TP53BP1: variants seen among roughly 807,000 people sequenced by gnomAD.
The protein encoded by TP53BP1 is tumor protein p53 binding protein 1.
Under a neutral mutation model 200.8 loss-of-function variants are expected in TP53BP1, and 61 were observed. That is an observed-to-expected ratio of 0.30 (90% CI 0.25 to 0.38). The LOEUF (loss-of-function observed/expected upper bound fraction) is 0.38. TP53BP1 is among the 10% of genes least tolerant of loss of function. The pLI, the probability that TP53BP1 is intolerant of heterozygous loss-of-function variation, is 1.00. For synonymous variants in TP53BP1, 822 were observed against 844.3 expected, an observed-to-expected ratio of 0.97 and a Z score of 0.46; for missense variants, 2,144 against 2,371.9, an observed-to-expected ratio of 0.90 and a Z score of 2.00.
chr15:43,408,817 CTCTCTCACCTAGAT>C, intron 26 of TP53BP1, 66 bp downstream of exon 26: 1 of 1,409,000 alleles, frequency 7.1e-7, no homozygotes, highest in East Asian at 2.3e-5. Context: ...GAAAGCTTTA[CTCTCTCACCTAGAT>C]TCTCTTCCCT....
chr15:43,433,912 G>T (rs563031147), intron 16 of TP53BP1, among the ~76,000 whole-genome samples: 1 of 152,132 alleles, frequency 6.6e-6, no homozygotes, highest in Non-Finnish European at 1.5e-5. Context: ...GCTTTCCTAC[G>T]TAGACAGGGT....
chr15:43,441,529 G>A lies in TP53BP1; in HGVS notation c.3095C>T (p.Ala1032Val), dbSNP rs61758077. The A allele has an allele frequency of 2.7e-5, 43 of 1,610,790 alleles. No homozygotes were observed. The African/African-American group carries it at 4.4e-4, about 16-fold the overall frequency. The change falls in exon 15 of 28, where the codon GCC (alanine) becomes GTC (valine). Residue 1032 changes from alanine (A) to valine (V), a missense_variant. Physicochemically the swap from Ala to Val is moderately conservative, Grantham distance 64 (BLOSUM62 0). Transcript: ENST00000382044. ...NGSTAVAESVASPQKTMSVLS... is the reference protein window; with the variant it reads ...NGSTAVAESVVSPQKTMSVLS... Reference sequence around the variant, plus strand: ...AATAGCATCCAGCTTTGGTTACCTGGCAACAGACTCAGCAACAGCAGTAGA... The same window carrying A: ...AATAGCATCCAGCTTTGGTTACCTGACAACAGACTCAGCAACAGCAGTAGA...
At chr15:43,480,277 A>C (rs939363149) in intron 5 of TP53BP1, among the ~76,000 whole-genome samples, 4 of 152,074 alleles carry the variant, frequency 2.6e-5, no homozygotes, top group African/African-American at 9.7e-5. Flanking sequence ...GTGAAACCCC[A>C]TCTCTACTAA....
In TP53BP1 at chr15:43,407,266, T is replaced by TAA. The variant is rs1379980617; in HGVS notation, c.*115_*116dup. 1 of 830,854 alleles carries TAA rather than the reference T, an allele frequency of 1.2e-6. No homozygotes were observed. The highest frequency in any genetic ancestry group is 1.9e-6 in the Non-Finnish European group (1 of 529,422). 51.5% of individuals were successfully genotyped at this position (830,854 alleles called of 1,614,324 possible). On this transcript the variant is annotated 3_prime_UTR_variant, in exon 28 of 28. Coordinates refer to ENST00000382044, the MANE Select transcript of TP53BP1 (RefSeq NM_001141980.3). Reference sequence around the variant, plus strand: ...TATTTTATCATAAAAGTTCAGCAAATAAAACTATATACAAGATCCATGCAA... The same window carrying TAA: ...TATTTTATCATAAAAGTTCAGCAAATAAAAAACTATATACAAGATCCATGCAA...
At chr15:43,455,627 C>T (rs1406721607) in intron 12 of TP53BP1, among the ~76,000 whole-genome samples, 5 of 151,010 alleles carry the variant, frequency 3.3e-5, no homozygotes, top group African/African-American at 7.3e-5. Flanking sequence ...GGCTGAGGCA[C>T]GAGAAATCAC....
chr15:43,439,446 G>A (rs919300550), intron 15 of TP53BP1, among the ~76,000 whole-genome samples: 2 of 152,188 alleles, frequency 1.3e-5, no homozygotes, highest in Non-Finnish European at 2.9e-5. Context: ...TGAGGCAGGA[G>A]GATCGCTTGA....
At chr15:43,437,103 G>A (rs1429542699) in intron 16 of TP53BP1, among the ~76,000 whole-genome samples, 1 of 152,104 alleles carries the variant, frequency 6.6e-6, no homozygotes, top group East Asian at 1.9e-4. Flanking sequence ...GGGCTGCCGT[G>A]AGCTATTACT....
At chr15:43,470,814 C>A (rs1258317102) in intron 10 of TP53BP1, among the ~76,000 whole-genome samples, 1 of 152,178 alleles carries the variant, frequency 6.6e-6, no homozygotes, top group Non-Finnish European at 1.5e-5. Flanking sequence ...CCCAACCAGG[C>A]TTCCTCTAGA....
At position 43,406,909 on chromosome 15, in the gene TP53BP1, A is replaced by C. The variant is rs536955291; in HGVS notation, c.*474T>G. The C allele has an allele frequency of 4.0e-6, 1 of 248,806 alleles. No homozygotes were observed. Among genetic ancestry groups the C allele is most frequent in the South Asian group, 5.0e-5 (1 of 19,958 alleles). 15.4% of individuals were successfully genotyped at this position (248,806 alleles called of 1,614,324 possible). ...AGCTGTGATCTCAGCTCAGAGAGAG[A>C]GCATGAGGTCTTTTTTAACTGTCAG... is the stretch of plus-strand genomic sequence containing the variant. On this transcript the variant is annotated 3_prime_UTR_variant, in exon 28 of 28. Coordinates refer to ENST00000382044, the MANE Select transcript of TP53BP1 (RefSeq NM_001141980.3).
In TP53BP1 at chr15:43,479,483, T is replaced by A. The variant is rs117861173; in HGVS notation, c.702A>T (p.Ala234=). Residue 234 remains alanine, a synonymous_variant, in exon 7 of 28, where the codon GCA becomes GCT. Transcript: ENST00000382044. ...CAGGGATGTCCTTGCTGGACTGTTC[T>A]GCTATGGGGATATCTTCGTTGGACT... is the stretch of plus-strand genomic sequence containing the variant. ...EEQSNEDIPI[A]EQSSKDIPVT... is the part of the protein sequence containing the mutation. The A allele has an allele frequency of 6.2e-7, 1 of 1,613,864 alleles. No homozygotes were observed. Among genetic ancestry groups the A allele is most frequent in the Non-Finnish European group, 8.5e-7 (1 of 1,179,912 alleles).
intron 14 of TP53BP1, among the ~76,000 whole-genome samples, chr15:43,445,690 C>CT (rs1203325508): frequency 6.6e-6 from 1 of 152,044 alleles, no homozygotes; most frequent in Non-Finnish European, 1.5e-5. Flanking sequence ...GTCATTCTCT[C>CT]TTTTTTTCCT....
intron 12 of TP53BP1, among the ~76,000 whole-genome samples, chr15:43,450,857 A>T (rs2046149910): frequency 6.6e-6 from 1 of 151,964 alleles, no homozygotes; most frequent in Non-Finnish European, 1.5e-5. Context: ...ATGTTTTTCA[A>T]AATTAAGCAT....
In TP53BP1 at chr15:43,509,191, G is replaced by T. The variant is rs867795190; in HGVS notation, c.-9+1179C>A. Among the ~76,000 whole-genome samples, 13 of 108,802 alleles carry T rather than the reference G, an allele frequency of 1.2e-4. 2 individuals carry two copies. Among genetic ancestry groups the T allele is most frequent in the Admixed American group, 6.9e-4 (8 of 11,674 alleles). The allele number at this position is 108,802 out of a possible 152,430, so 71.4% of individuals were successfully genotyped here. The stretch of plus-strand genomic sequence containing the variant: ...TTTCCAGATTCAGATCCACAAACGG[G>T]GGGGGGGGGGGCAGAGGTACAGCGG... On this transcript the variant is annotated intron_variant, in intron 1 of 27. Transcript: ENST00000263801.
intron 12 of TP53BP1, among the ~76,000 whole-genome samples, chr15:43,451,306 G>T (rs189921286): frequency 2.2e-4 from 34 of 151,942 alleles, no homozygotes; most frequent in African/African-American, 8.2e-4. Context: ...TTAGCATTAG[G>T]TATATCTCTC....
At chr15:43,452,115 A>G (rs2046184289) in intron 12 of TP53BP1, among the ~76,000 whole-genome samples, 1 of 152,242 alleles carries the variant, frequency 6.6e-6, no homozygotes, top group Non-Finnish European at 1.5e-5. Context: ...AGCCTGGGCG[A>G]CAGAGCAAGA....
intron 11 of TP53BP1, among the ~76,000 whole-genome samples, chr15:43,469,442 T>C (rs2046668420): frequency 1.3e-5 from 2 of 152,282 alleles, no homozygotes; most frequent in South Asian, 4.1e-4. Context: ...TAAACACCTT[T>C]TTTAAAAAAC....
At chr15:43,414,382 GT>G (rs1412019681) in intron 23 of TP53BP1, among the ~76,000 whole-genome samples, 2 of 152,188 alleles carry the variant, frequency 1.3e-5, no homozygotes, top group African/African-American at 4.8e-5. Flanking sequence ...ATGAACTATT[GT>G]TTTTAAATAC....
rs2044796396 is a variant in TP53BP1 at position 43,404,630 on chromosome 15, G to GA, written c.*2752dup. 1 of 1,486,472 alleles carries GA rather than the reference G, an allele frequency of 6.7e-7. No individual in the cohort carries two copies. The highest frequency in any genetic ancestry group is 1.9e-5 in the Admixed American group (1 of 53,084). 92.1% of individuals were successfully genotyped at this position (1,486,472 alleles called of 1,614,324 possible). On this transcript the variant is annotated 3_prime_UTR_variant, in exon 28 of 28. Coordinates refer to ENST00000382044, the MANE Select transcript of TP53BP1 (RefSeq NM_001141980.3). ...GAGTTGTAGAATTCTAGAACTGGAAGAAGACTTTAGTCCAAATACCCTCAT... is the reference window on the plus strand; with the variant it reads ...GAGTTGTAGAATTCTAGAACTGGAAGAAAGACTTTAGTCCAAATACCCTCAT...
At chr15:43,453,060 G>A (rs1186583639) in intron 12 of TP53BP1, among the ~76,000 whole-genome samples, 1 of 151,906 alleles carries the variant, frequency 6.6e-6, no homozygotes, top group African/African-American at 2.4e-5. Context: ...CGGACGTGGT[G>A]GTGGGCGCCT....
Sources: allele counts gnomAD v4.1 joint callset (sites outside exome capture counted in the v4.1 genomes callset), GRCh38; gene constraint gnomAD v4.1.1; transcripts MANE v1.5; gene names NCBI Gene and HGNC (gene_info 2026-07-23, HGNC 2026-07-21).